The following RGL1 variants were observed in gnomAD, a reference collection of about 807,000 sequenced individuals.
The protein encoded by RGL1 is ral guanine nucleotide dissociation stimulator-like 1.
In RGL1, 24 loss-of-function variants were observed where a neutral mutation model predicts 95.2. The observed-to-expected ratio is 0.25, with a 90% CI of 0.18 to 0.35. The LOEUF is 0.35. Among genes scored for constraint, RGL1 ranks in the 10% least tolerant of loss-of-function variants. The probability of loss-of-function intolerance (pLI) is 1.00; values close to 1 mark genes in which losing one functional copy is unlikely to be tolerated. For synonymous variants in RGL1, 329 were observed against 344.9 expected, an observed-to-expected ratio of 0.95 and a Z score of 0.51; for missense variants, 715 against 936.3, an observed-to-expected ratio of 0.76 and a Z score of 3.08.
chr1:183,700,518 G>A (rs1278970156), intron 1 of RGL1, among the ~76,000 whole-genome samples: 2 of 150,954 alleles, frequency 1.3e-5, no homozygotes, highest in Non-Finnish European at 2.9e-5. Context: ...GTTCCATGGT[G>A]GTTTGCTGCA....
At chr1:183,720,191 A>T (rs1655930188) in intron 1 of RGL1, among the ~76,000 whole-genome samples, 1 of 152,244 alleles carries the variant, frequency 6.6e-6, no homozygotes, top group Non-Finnish European at 1.5e-5. Context: ...CAACTGATGA[A>T]TCACCAGGGA....
intron 1 of RGL1, among the ~76,000 whole-genome samples, chr1:183,677,033 A>G (rs1282442196): frequency 6.6e-6 from 1 of 151,798 alleles, no homozygotes; most frequent in African/African-American, 2.4e-5. Flanking sequence ...TCAGACATGT[A>G]GAGCTTTCAG....
rs1668679173 is a variant in RGL1 at position 183,912,160 on chromosome 1, T to TG, written c.1643dup (p.Glu549Ter). The TG allele has an allele frequency of 6.2e-7, 1 of 1,613,826 alleles. No homozygotes were observed. The highest frequency in any genetic ancestry group is 8.5e-7 in the Non-Finnish European group (1 of 1,179,880). ...CCAAGTCCACTGCCAGCGGGAGCTC[T>TG]GGTGAAAGCATGGACTCTGTCAGCG... On this transcript the variant is annotated frameshift_variant, in exon 15 of 18. Coordinates refer to ENST00000360851, the MANE Select transcript of RGL1 (RefSeq NM_001297671.3). LOFTEE classifies it high-confidence loss of function.
At chr1:183,825,762 T>G (rs918826520) in intron 2 of RGL1, among the ~76,000 whole-genome samples, 5 of 152,180 alleles carry the variant, frequency 3.3e-5, no homozygotes, top group African/African-American at 1.2e-4. Flanking sequence ...AAAGTGGGGC[T>G]TTTAGAAGCA....
At chr1:183,651,179 C>G (rs887602077) in intron 1 of RGL1, among the ~76,000 whole-genome samples, 1 of 152,062 alleles carries the variant, frequency 6.6e-6, no homozygotes, top group African/African-American at 2.4e-5. Flanking sequence ...AAATGCCTTC[C>G]TCATCAAAGC....
In RGL1 at chr1:183,805,971, CTTTTTTTTTTTTTT is replaced by C. The variant is rs751229707; in HGVS notation, c.28-377_28-364del. Among the ~76,000 whole-genome samples the C allele has an allele frequency of 3.2e-3, 241 of 74,670 alleles. 4 individuals carry two copies. In the East Asian group the frequency reaches 0.079, roughly 24 times the overall value. The allele number at this position is 74,670 out of a possible 152,430, so 49.0% of individuals were successfully genotyped here. On this transcript the variant is annotated intron_variant, in intron 1 of 17. Transcript: ENST00000360851. ...TTTCTTTTTCTTTTTCTTTTCTTTT[CTTTTTTTTTTTTTT>C]TTTTTTTTTTTTTTTTTTTTTTTTT... is the stretch of plus-strand genomic sequence containing the variant.
At chr1:183,722,538 A>G (rs774370769) in intron 1 of RGL1, among the ~76,000 whole-genome samples, 9 of 152,204 alleles carry the variant, frequency 5.9e-5, no homozygotes, top group Admixed American at 2.0e-4. Context: ...CTTCATTATC[A>G]AATTACAGCA....
chr1:183,729,793 C>G (rs1311016661), intron 1 of RGL1, among the ~76,000 whole-genome samples: 2 of 151,836 alleles, frequency 1.3e-5, no homozygotes, highest in African/African-American at 4.8e-5. Context: ...CTGAAAAGGA[C>G]AAACTATTTA....
intron 1 of RGL1, among the ~76,000 whole-genome samples, chr1:183,656,089 AC>A (rs1350110389): frequency 4.0e-5 from 6 of 150,142 alleles, no homozygotes; most frequent in Non-Finnish European, 8.9e-5. Flanking sequence ...CCCAAAGCAG[AC>A]CAAGTTTTTT....
At chr1:183,850,940 C>T (rs535377934) in intron 3 of RGL1, among the ~76,000 whole-genome samples, 10 of 152,210 alleles carry the variant, frequency 6.6e-5, no homozygotes, top group African/African-American at 2.2e-4. Context: ...AAGGAGTGCA[C>T]GTAAATTCCA....
At chr1:183,923,446 T>C (rs1213720962) in intron 17 of RGL1, among the ~76,000 whole-genome samples, 1 of 152,168 alleles carries the variant, frequency 6.6e-6, no homozygotes, top group Non-Finnish European at 1.5e-5. Flanking sequence ...TTTGATGTAA[T>C]TATAATTATA....
rs115729297 is a variant in RGL1 at position 183,746,112 on chromosome 1, T to C, written c.132+3823T>C. Among the ~76,000 whole-genome samples, 597 of 152,176 alleles carry C rather than the reference T, an allele frequency of 3.9e-3. 3 individuals are homozygous for C. The highest frequency in any genetic ancestry group is 6.6e-3 in the Non-Finnish European group (446 of 67,970). On this transcript the variant is annotated intron_variant, in intron 2 of 18. Coordinates refer to the RGL1 transcript ENST00000304685. ...CACATGCAAGTTATGGATTATAATA[T>C]TGTGGAATCACAAATACTTGTGAGT...
intron 3 of RGL1, among the ~76,000 whole-genome samples, chr1:183,854,062 A>T (rs984430737): frequency 1.1e-4 from 16 of 152,232 alleles, no homozygotes; most frequent in Non-Finnish European, 1.8e-4. Flanking sequence ...TGCCTTCTTC[A>T]TGCTGAATGT....
chr1:183,792,986 G>A (rs1660509550), intron 2 of RGL1, among the ~76,000 whole-genome samples: 1 of 151,800 alleles, frequency 6.6e-6, no homozygotes, highest in African/African-American at 2.4e-5. Flanking sequence ...AGCCAGAATA[G>A]CCAAAGCAAA....
chr1:183,784,755 CAG>C (rs1660072448), intron 2 of RGL1, among the ~76,000 whole-genome samples: 1 of 152,146 alleles, frequency 6.6e-6, no homozygotes, highest in Non-Finnish European at 1.5e-5. Context: ...AAAATTAAAA[CAG>C]AGGAATATCT....
Position 183,652,605 on chromosome 1 carries a change from A to G in RGL1, c.-33+16104A>G, listed in dbSNP as rs561255886. On this transcript the variant is annotated intron_variant, in intron 1 of 18. Transcript: ENST00000304685. The stretch of plus-strand genomic sequence containing the variant: ...GGTATCTGTCATTTTATTCTCCCCA[A>G]CCAGGTGGAAATGTACCCTGTTTAG... 6.6e-5 allele frequency among the ~76,000 whole-genome samples: 10 copies of G among 152,290 alleles called. No homozygotes were observed. The South Asian group carries it at 2.1e-3, about 32-fold the overall frequency.
chr1:183,777,822 G>A (rs566543223), intron 2 of RGL1, among the ~76,000 whole-genome samples: 77 of 152,212 alleles, frequency 5.1e-4, no homozygotes, highest in Non-Finnish European at 9.4e-4. Context: ...TTTTATTGTC[G>A]TTTGAGTTTT....
At chr1:183,897,923 A>G (rs1316265749) in intron 10 of RGL1, 26 bp downstream of exon 10, 1 of 1,597,000 alleles carries the variant, frequency 6.3e-7, no homozygotes, top group Admixed American at 1.7e-5. Context: ...GTCTTCCCTG[A>G]CAGCTCACAG....
Position 183,926,277 on chromosome 1 carries a change from C to A in RGL1, c.2292C>A (p.Ser764Arg). Residue 764 changes from serine to arginine, a missense_variant, in exon 18 of 18, where the codon AGC becomes AGA. Physicochemically the swap from Ser to Arg is moderately radical, Grantham distance 110. Around this residue, in one of 3 missense-constraint regions of RGL1, gnomAD observed 330 missense variants for 429.6 expected, o/e 0.77. Transcript: ENST00000360851. The stretch of plus-strand genomic sequence containing the variant: ...GGGGCTGCTGGAGTAACAGACACAG[C>A]AAAATCACCCTCTGAAGGGAGGGAC... The part of the protein sequence containing the change: ...AKRGCWSNRH[S>R]KITL 1 of 1,611,408 alleles carries A rather than the reference C, an allele frequency of 6.2e-7. No homozygotes were observed. The highest frequency in any genetic ancestry group is 1.1e-5 in the South Asian group (1 of 90,700).
Sources: allele counts gnomAD v4.1 joint callset (sites outside exome capture counted in the v4.1 genomes callset), GRCh38; gene constraint gnomAD v4.1.1; regional missense constraint gnomAD v4.1.1; transcripts MANE v1.5; gene names NCBI Gene and HGNC (gene_info 2026-07-23, HGNC 2026-07-21).